The following SMTN variants were observed in gnomAD, a reference collection of about 807,000 sequenced individuals.
The protein encoded by SMTN is smoothelin.
SMTN carries 58 observed loss-of-function variants against 102.0 expected under a neutral mutation model. The observed-to-expected ratio is 0.57, with a 90% CI of 0.46 to 0.71. The LOEUF (loss-of-function observed/expected upper bound fraction) is 0.71, where lower values mean the gene tolerates loss of function less well. Among genes scored for constraint, SMTN ranks in the 30% least tolerant of loss-of-function variants. The pLI is 0.00. For synonymous variants in SMTN, 478 were observed against 497.9 expected, an observed-to-expected ratio of 0.96 and a Z score of 0.53; for missense variants, 1,185 against 1,241.7, an observed-to-expected ratio of 0.95 and a Z score of 0.69.
Position 31,091,562 on chromosome 22 carries a change from A to G in SMTN, c.1459+80A>G. ...TGCATGCAGGACAGGTGCTGCGGCC[A>G]GGACTCAGGGTGTCTCCAAAGGGTG... On this transcript the variant is annotated intron_variant, in intron 10 of 20. Transcript: ENST00000333137. The G allele has an allele frequency of 2.0e-6, 3 of 1,509,770 alleles. No homozygotes were observed. In the South Asian group the frequency reaches 4.0e-5, roughly 20 times the overall value. 93.5% of individuals were successfully genotyped at this position (1,509,770 alleles called of 1,614,324 possible).
intron 2 of SMTN, chr22:31,084,990 C>G (rs2147592399): frequency 6.8e-7 from 1 of 1,471,200 alleles, no homozygotes; most frequent in South Asian, 1.3e-5. Flanking sequence ...GCCCGCCCTG[C>G]GCCCCAGCGT....
chr22:31,088,748 T>C lies in SMTN; in HGVS notation c.344T>C (p.Ile115Thr). Reference protein sequence around the residue: ...YEERKLIRAAIRRVRAQEIEA... With the variant: ...YEERKLIRAATRRVRAQEIEA... Reference sequence around the variant, plus strand: ...GAGCGCAAGCTGATCCGAGCTGCCATCCGCCGTGTACGGGCTCAGGAGATT... The same window carrying C: ...GAGCGCAAGCTGATCCGAGCTGCCACCCGCCGTGTACGGGCTCAGGAGATT... Residue 115 changes from isoleucine to threonine, a missense_variant, in exon 5 of 21, where the codon ATC becomes ACC. Coordinates refer to ENST00000333137, the MANE Select transcript of SMTN (RefSeq NM_134269.3). The C allele has an allele frequency of 6.2e-7, 1 of 1,613,332 alleles. No homozygotes were observed. Among genetic ancestry groups the C allele is most frequent in the Admixed American group, 1.7e-5 (1 of 59,838 alleles).
At chr22:31,098,880 G>GTGATAGGCAGTGGGGGGCGGGGCT in intron 17 of SMTN, 40 bp downstream of exon 17, 2 of 1,529,398 alleles carry the variant, frequency 1.3e-6, no homozygotes, top group African/African-American at 1.4e-5. Context: ...GGGGCGGGGC[G>GTGATAGGCAGTGGGGGGCGGGGCT]TGATAGGCAG....
rs2043139408 is a variant in SMTN at position 31,091,603 on chromosome 22, C to A, written c.1460-72C>A. 6 of 1,519,484 alleles carry A rather than the reference C, an allele frequency of 3.9e-6. No individual in the cohort carries two copies. The South Asian group carries it at 7.6e-5, about 19-fold the overall frequency. 94.1% of individuals were successfully genotyped at this position (1,519,484 alleles called of 1,614,324 possible). On this transcript the variant is annotated intron_variant, in intron 10 of 20. Transcript: ENST00000333137. Reference sequence around the variant, plus strand: ...CCAAAGGGTGTGCTGGGAGCGAGGGCATTATCAACCTTGTCTGGCACTGCC... The same window carrying A: ...CCAAAGGGTGTGCTGGGAGCGAGGGAATTATCAACCTTGTCTGGCACTGCC...
chr22:31,089,989 C>A lies in SMTN; in HGVS notation c.762C>A (p.Leu254=), dbSNP rs779220557. The A allele has an allele frequency of 1.2e-5, 20 of 1,603,034 alleles. No homozygotes were observed. The South Asian group carries it at 2.0e-4, about 16-fold the overall frequency. The change falls in exon 7 of 21, where the codon CTC becomes CTA. Residue 254 remains leucine (L), a synonymous_variant. Coordinates refer to ENST00000333137, the MANE Select transcript of SMTN (RefSeq NM_134269.3). ...CTGAGCCTCAGGAGTCTCCAACGCT[C>A]CCCAGCACTGAGGGCCAGGTGGTCA... ...TSPEPQESPT[L]PSTEGQVVNK...
In SMTN at chr22:31,097,079, G is replaced by A. The variant is rs376145562; in HGVS notation, c.2089+19G>A. ...TCGGAGAGTAAGGCCACCTGGTGTC[G>A]CCCTGTGCCTGCCTGCCTGTCCGCC... is the stretch of plus-strand genomic sequence containing the variant. On this transcript the variant is annotated intron_variant, in intron 15 of 20. Coordinates refer to ENST00000333137, the MANE Select transcript of SMTN (RefSeq NM_134269.3). 886 of 1,611,942 alleles carry A rather than the reference G, an allele frequency of 5.5e-4. 1 individual carries two copies. Among genetic ancestry groups the A allele is most frequent in the Non-Finnish European group, 7.2e-4 (846 of 1,178,490 alleles).
At chr22:31,101,803 A>AG (rs1483030378) in intron 20 of SMTN, 15 of 145,972 alleles carry the variant, frequency 1.0e-4, no homozygotes, top group African/African-American at 3.4e-4. Flanking sequence ...AAAAAAAAAA[A>AG]AAAAGTTTGA....
At chr22:31,071,881 A>C (rs905234460) in intron 1 of SMTN, among the ~76,000 whole-genome samples, 8 of 151,970 alleles carry the variant, frequency 5.3e-5, no homozygotes, top group Admixed American at 3.9e-4. Flanking sequence ...TTTTTTGTAG[A>C]GATGGGGTTT....
intron 1 of SMTN, chr22:31,082,951 C>A: frequency 3.3e-6 from 5 of 1,505,892 alleles, no homozygotes; most frequent in Non-Finnish European, 4.5e-6. Context: ...ACACAGCAGA[C>A]TGGCGGCCAA....
Position 31,098,904 on chromosome 22 carries a change from T to G in SMTN, c.2333+64T>G, listed in dbSNP as rs930587109. ...CGTGATAGGCAGTGGGGGGCGGGGC[T>G]TGATAGTTGGCCCGGCAGAGGCGGG... On this transcript the variant is annotated intron_variant, in intron 17 of 20. Transcript: ENST00000333137. 8 of 1,551,136 alleles carry G rather than the reference T, an allele frequency of 5.2e-6. No homozygotes were observed. The African/African-American group carries it at 9.5e-5, about 19-fold the overall frequency.
chr22:31,079,375 G>A (rs2042207299), upstream of SMTN, among the ~76,000 whole-genome samples: 1 of 152,232 alleles, frequency 6.6e-6, no homozygotes, highest in East Asian at 1.9e-4. Flanking sequence ...AGGGCCAAGG[G>A]CTAGTGAGCG....
At chr22:31,076,328 C>T (rs1400853857), upstream of SMTN, among the ~76,000 whole-genome samples, 1 of 152,336 alleles carries the variant, frequency 6.6e-6, no homozygotes, top group East Asian at 1.9e-4. Flanking sequence ...TCAGAACCGG[C>T]AAAGGAGCCA....
chr22:31,096,781 G>T lies in SMTN; in HGVS notation c.1910G>T (p.Arg637Leu). ...RERRLQEARG[R>L]PGEGRGNTAT... ...CGGCGGCTGCAGGAGGCACGGGGCC[G>T]GCCAGGGGAGGGGCGCGGCAACACA... The change falls in exon 14 of 21, where the codon CGG becomes CTG. Residue 637 changes from arginine (R) to leucine (L), a missense_variant. Physicochemically the swap from Arg to Leu is moderately radical, Grantham distance 102 (BLOSUM62 -2). Transcript: ENST00000333137. The T allele has an allele frequency of 6.4e-7, 1 of 1,563,496 alleles. No homozygotes were observed.
chr22:31,088,410 T>TCGGTGG, intron 3 of SMTN, 103 bp from the exon 4 acceptor site: 25 of 1,041,996 alleles, frequency 2.4e-5, no homozygotes, highest in Admixed American at 1.8e-4. Context: ...CCACATGCCC[T>TCGGTGG]TCTGCCAAGG....
At chr22:31,082,961 AGCTG>A in intron 1 of SMTN, 1 of 1,491,916 alleles carries the variant, frequency 6.7e-7, no homozygotes, top group South Asian at 1.2e-5. Flanking sequence ...CTGGCGGCCA[AGCTG>A]GCAGGGCTGG....
intron 6 of SMTN, among the ~76,000 whole-genome samples, chr22:31,089,491 G>T (rs1210721849): frequency 6.6e-6 from 1 of 152,232 alleles, no homozygotes; most frequent in African/African-American, 2.4e-5. Flanking sequence ...CCTTTGGCTA[G>T]GTAGTGCCAA....
chr22:31,074,645 C>G (rs1054840232), intron 1 of SMTN, among the ~76,000 whole-genome samples: 8 of 152,006 alleles, frequency 5.3e-5, no homozygotes, highest in African/African-American at 1.9e-4. Flanking sequence ...TATAACTTAG[C>G]CAGGCGTGGT....
upstream of SMTN, among the ~76,000 whole-genome samples, chr22:31,078,120 C>T (rs530829319): frequency 6.6e-6 from 1 of 152,296 alleles, no homozygotes; most frequent in East Asian, 1.9e-4. Flanking sequence ...TTAGAGAGCC[C>T]AAGGCACAGC....
rs117327398 is a variant in SMTN, at chr22:31,103,865, G to A, written c.*21-451G>A. ...AGCAGACAATCATCGGTGGACCACA[G>A]GGCCACTAGAGTGAGACCTATCCAT... On this transcript the variant is annotated intron_variant, in intron 20 of 20. Transcript: ENST00000333137. 8.5e-3 allele frequency: 1,386 copies of A among 162,462 alleles called. 5 individuals are homozygous for A. Among genetic ancestry groups the A allele is most frequent in the Non-Finnish European group, 0.014 (1,026 of 73,800 alleles). The allele number at this position is 162,462 out of a possible 1,614,324, so 10.1% of individuals were successfully genotyped here. A position where few individuals can be genotyped will look rare whatever the true frequency, so the allele number is the denominator to read the frequency against.
Sources: gnomAD v4.1 joint callset for allele counts (sites outside exome capture counted in the v4.1 genomes callset) on GRCh38, gnomAD v4.1.1 for gene constraint, MANE v1.5 for transcripts, NCBI Gene and HGNC (gene_info 2026-07-23, HGNC 2026-07-21) for gene names.